PLEKHG5: variants seen among roughly 807,000 people sequenced by gnomAD.
PLEKHG5 encodes the protein pleckstrin homology and RhoGEF domain containing G5.
A neutral mutation model predicts 103.8 loss-of-function variants in PLEKHG5; 52 were observed. That is an observed-to-expected ratio of 0.50 (90% confidence interval 0.40 to 0.63). PLEKHG5 has a LOEUF of 0.63. Ranked by LOEUF, PLEKHG5 falls within the 30% of genes least tolerant of loss-of-function variation. The pLI is 0.00. For synonymous variants in PLEKHG5, 592 were observed against 575.5 expected (o/e 1.03, Z -0.41); for missense variants, 1,205 against 1,347.6 (o/e 0.89, Z 1.66).
In PLEKHG5 at chr1:6,473,070, C is replaced by T; in HGVS notation, c.900G>A (p.Glu300=). ...RGLRFDHDSW[E]EEYDEDEDED... ...CATCCTCGTCTTCATCGTACTCCTCCTCCCAGGAGTCATGGTCGAAGCGCA... is the reference window on the plus strand; with the variant it reads ...CATCCTCGTCTTCATCGTACTCCTCTTCCCAGGAGTCATGGTCGAAGCGCA... Residue 300 remains glutamate (E), a synonymous_variant, in exon 9 of 21, where the codon GAG becomes GAA. Coordinates refer to ENST00000377728, the MANE Select transcript of PLEKHG5 (RefSeq NM_020631.6). The T allele has an allele frequency of 6.2e-7, 1 of 1,613,906 alleles. No individual in the cohort carries two copies. Among genetic ancestry groups the T allele is most frequent in the Non-Finnish European group, 8.5e-7 (1 of 1,179,834 alleles).
intron 1 of PLEKHG5, among the ~76,000 whole-genome samples, chr1:6,516,866 G>GTGTGTGTGTATATATA (rs1288870331): frequency 3.9e-5 from 1 of 25,824 alleles, no homozygotes; most frequent in Non-Finnish European, 1.5e-4. Context: ...GTATATATGT[G>GTGTGTGTGTATATATA]TATATATATA....
chr1:6,493,717 G>A (rs932376765), upstream of PLEKHG5, among the ~76,000 whole-genome samples: 43 of 149,748 alleles, frequency 2.9e-4, no homozygotes, highest in Admixed American at 7.3e-4. Context: ...GTGCAATTGC[G>A]TGATCTCAGC....
In PLEKHG5 at chr1:6,473,058, ATCG is replaced by A. The variant is rs2148588099; in HGVS notation, c.909_911del (p.Asp304del). On this transcript the variant is annotated inframe_deletion, in exon 9 of 21. Transcript: ENST00000377728. Reference sequence around the variant, plus strand: ...AGGCATTGTCCTCATCCTCGTCTTCATCGTACTCCTCCTCCCAGGAGTCATGGT... The same window carrying A: ...AGGCATTGTCCTCATCCTCGTCTTCATACTCCTCCTCCCAGGAGTCATGGT... 6.2e-7 allele frequency: 1 copy of A among 1,613,928 alleles called. No homozygotes were observed. The highest frequency in any genetic ancestry group is 8.5e-7 in the Non-Finnish European group (1 of 1,179,898).
rs1480269028 is a variant in PLEKHG5 at position 6,470,598 on chromosome 1, G to A, written c.1588C>T (p.Arg530Trp). 7.5e-6 allele frequency: 12 copies of A among 1,601,020 alleles called. No homozygotes were observed. The highest frequency in any genetic ancestry group is 1.3e-5 in the African/African-American group (1 of 74,766). ...AGCCGCTGCCGCTCCTGCCGCTGCC[G>A]CATGCACGCGTTCACGTGGTGGATG... ...RFIHHVNACM[R>W]QRQERQRLAA... is the part of the protein sequence containing the mutation. The change falls in exon 15 of 21, where the codon CGG becomes TGG. Residue 530 changes from arginine to tryptophan, a missense_variant. Physicochemically the swap from Arg to Trp is moderately radical, Grantham distance 101. Coordinates refer to ENST00000377728, the MANE Select transcript of PLEKHG5 (RefSeq NM_020631.6).
rs1186600469 is a variant in PLEKHG5 at position 6,470,255 on chromosome 1, T to C, written c.1781A>G (p.Lys594Arg). 1 of 1,613,972 alleles carries C rather than the reference T, an allele frequency of 6.2e-7. No homozygotes were observed. Among genetic ancestry groups the C allele is most frequent in the Admixed American group, 1.7e-5 (1 of 60,024 alleles). The stretch of plus-strand genomic sequence containing the variant: ...AATCACCTTGCTGTCCTTCCCCTCC[T>C]TCATCCTCAGGCTCCCCTCCAGCAG... ...QLLLEGSLRMKEGKDSKMDVY... is the reference protein window; with the variant it reads ...QLLLEGSLRMREGKDSKMDVY... The change falls in exon 16 of 21, where the codon AAG becomes AGG. Residue 594 changes from lysine (K) to arginine (R), a missense_variant. Coordinates refer to ENST00000377728, the MANE Select transcript of PLEKHG5 (RefSeq NM_020631.6).
upstream of PLEKHG5, among the ~76,000 whole-genome samples, chr1:6,500,691 T>C (rs575566882): frequency 7.4e-6 from 1 of 134,680 alleles, no homozygotes; most frequent in African/African-American, 2.8e-5. Flanking sequence ...AACCATGAAC[T>C]ACCCCCCTTG....
chr1:6,492,945 C>T (rs571146994), upstream of PLEKHG5, among the ~76,000 whole-genome samples: 5 of 135,080 alleles, frequency 3.7e-5, no homozygotes, highest in South Asian at 8.8e-4. Context: ...TCGCTTGCCC[C>T]TTATAGCCCC....
rs759306471 is a variant in PLEKHG5 at position 6,472,609 on chromosome 1, C to G, written c.998G>C (p.Arg333Pro). 2 of 1,612,462 alleles carry G rather than the reference C, an allele frequency of 1.2e-6. No homozygotes were observed. Among genetic ancestry groups the G allele is most frequent in the South Asian group, 2.2e-5 (2 of 90,742 alleles). ...CACCGCCTCCTGCTGGTGGCACTGC[C>G]GCCGGGTCAGCTTCTAGAGGGAGGG... ...LIDGHEKLTR[R>P]QCHQQEAVWE... The change falls in exon 10 of 21, where the codon CGG becomes CCG. Residue 333 changes from arginine to proline, a missense_variant. Coordinates refer to ENST00000377728, the MANE Select transcript of PLEKHG5 (RefSeq NM_020631.6).
chr1:6,517,189 C>G (rs1638649797), intron 1 of PLEKHG5, among the ~76,000 whole-genome samples: 1 of 151,312 alleles, frequency 6.6e-6, no homozygotes, highest in Non-Finnish European at 1.5e-5. Context: ...CACCTGTGGT[C>G]CCAGCTACTT....
chr1:6,474,681 C>T, intron 5 of PLEKHG5, 94 bp from the exon 6 acceptor site: 8 of 1,229,504 alleles, frequency 6.5e-6, no homozygotes, highest in Non-Finnish European at 9.2e-6. Flanking sequence ...CCACCCACAG[C>T]CCCAGCTGCC....
chr1:6,472,951 G>A, intron 9 of PLEKHG5, 35 bp downstream of exon 9: 1 of 1,596,474 alleles, frequency 6.3e-7, no homozygotes, highest in East Asian at 2.2e-5. Context: ...CTCCTTTCGG[G>A]ACAAGGAGGG....
chr1:6,501,139 C>T (rs1202679629), upstream of PLEKHG5, among the ~76,000 whole-genome samples: 10 of 152,188 alleles, frequency 6.6e-5, no homozygotes, highest in Admixed American at 1.3e-4. This position sits in a 1 kb window ranked among gnomAD's most constrained non-coding sequence, Gnocchi z 4.3. Flanking sequence ...ATGTTCTGGA[C>T]GGCTCCAGCT....
chr1:6,469,230 T>C lies in PLEKHG5; in HGVS notation c.2061A>G (p.Gln687=), dbSNP rs1644493058. The C allele has an allele frequency of 6.2e-7, 1 of 1,613,648 alleles. No homozygotes were observed. Among genetic ancestry groups the C allele is most frequent in the Non-Finnish European group, 8.5e-7 (1 of 1,180,010 alleles). Residue 687 remains glutamine (Q), a synonymous_variant, in exon 19 of 21, where the codon CAA becomes CAG. Transcript: ENST00000377728. ...DTIYNAQNQL[Q]QLRAQEPPGS... is the part of the protein sequence containing the mutation. ...CTGGGGGCTCCTGTGCACGCAGCTGTTGCAGCTGGTTCTGCAGGCAAGGTT... is the reference window on the plus strand; with the variant it reads ...CTGGGGGCTCCTGTGCACGCAGCTGCTGCAGCTGGTTCTGCAGGCAAGGTT...
intron 1 of PLEKHG5, among the ~76,000 whole-genome samples, chr1:6,517,330 C>T (rs1032683672): frequency 1.4e-4 from 21 of 146,296 alleles, no homozygotes; most frequent in Admixed American, 7.5e-4. Flanking sequence ...AAAAAAGATA[C>T]AACCAAGCAT....
chr1:6,512,902 G>C (rs1557773134), intron 1 of PLEKHG5, among the ~76,000 whole-genome samples: 1 of 152,118 alleles, frequency 6.6e-6, no homozygotes, highest in Non-Finnish European at 1.5e-5. Context: ...GGCCATGGGG[G>C]GGTGAATAAA....
chr1:6,484,167 C>T (rs954228501), intron 1 of PLEKHG5, among the ~76,000 whole-genome samples: 13 of 152,222 alleles, frequency 8.5e-5, no homozygotes, highest in African/African-American at 3.1e-4. Context: ...TACCCTGATT[C>T]GCTCCTTACG....
At chr1:6,470,085 G>A (rs977501629) in intron 16 of PLEKHG5, 151 bp downstream of exon 16, 1 of 914,632 alleles carries the variant, frequency 1.1e-6, no homozygotes, top group East Asian at 2.4e-5. Context: ...CTGGATTTGT[G>A]AATGGCAGGC....
In PLEKHG5 at chr1:6,477,654, C is replaced by T; in HGVS notation, c.-83G>A. The T allele has an allele frequency of 6.2e-7, 1 of 1,602,864 alleles. No individual in the cohort carries two copies. The highest frequency in any genetic ancestry group is 1.1e-5 in the South Asian group (1 of 91,066). Reference sequence around the variant, plus strand: ...CAGCTGCTGGCAGTCGGCGTGGTGACATACCTGGGGTGGGGACAGAAGCCT... The same window carrying T: ...CAGCTGCTGGCAGTCGGCGTGGTGATATACCTGGGGTGGGGACAGAAGCCT... On this transcript the variant is annotated 5_prime_UTR_variant, in exon 2 of 21. An upstream start codon of the reference 5' UTR is lost. Coordinates refer to ENST00000377728, the MANE Select transcript of PLEKHG5 (RefSeq NM_020631.6).
chr1:6,475,090 T>C lies in PLEKHG5; in HGVS notation c.259A>G (p.Ile87Val), dbSNP rs756639742. The C allele has an allele frequency of 4.3e-6, 7 of 1,612,312 alleles. No individual in the cohort carries two copies. The highest frequency in any genetic ancestry group is 5.1e-6 in the Non-Finnish European group (6 of 1,178,400). ...ATGGCTGGGACGATCTCTGTCTCAA[T>C]GTCCACATTCAGGTCAAATTTCAGA... ...FTLKFDLNVDIETEIVPAMKK... is the reference protein window; with the variant it reads ...FTLKFDLNVDVETEIVPAMKK... Residue 87 changes from isoleucine (I) to valine (V), a missense_variant, in exon 5 of 21, where the codon ATT becomes GTT. Physicochemically the swap from Ile to Val is conservative, Grantham distance 29 (BLOSUM62 3). Transcript: ENST00000377728.
Sources: gnomAD v4.1 joint callset for allele counts (sites outside exome capture counted in the v4.1 genomes callset) on GRCh38, gnomAD v4.1.1 for gene constraint, Gnocchi (gnomAD v3.1) non-coding constraint, MANE v1.5 for transcripts, NCBI Gene and HGNC (gene_info 2026-07-23, HGNC 2026-07-21) for gene names.